ADAMTS20: variants seen among roughly 807,000 people sequenced by gnomAD.
ADAMTS20 encodes the protein ADAM metallopeptidase with thrombospondin type 1 motif 20.
A neutral mutation model predicts 260.1 loss-of-function variants in ADAMTS20; 225 were observed. The ratio of observed to expected loss-of-function variants is 0.87; its 90% confidence interval spans 0.78 to 0.97. The LOEUF (loss-of-function observed/expected upper bound fraction) is 0.97. Ranked by LOEUF, ADAMTS20 falls within the 50% of genes least tolerant of loss-of-function variation. The pLI is 0.00. For missense variants in ADAMTS20, 2,400 were observed against 2,337.7 expected (o/e 1.03, Z -0.55); for synonymous variants, 802 against 769.5 (o/e 1.04, Z -0.70).
chr12:43,433,778 A>T (rs1017429611), intron 19 of ADAMTS20: 5 of 487,464 alleles, frequency 1.0e-5, no homozygotes, highest in Admixed American at 6.4e-5. Flanking sequence ...AGAAGTATAA[A>T]CTTGCTGTCA....
chr12:43,423,456 A>G, intron 28 of ADAMTS20: 1 of 416,954 alleles, frequency 2.4e-6, no homozygotes, highest in Non-Finnish European at 4.3e-6. Flanking sequence ...AATTGAAGTC[A>G]TGAATGGGTA....
chr12:43,483,814 G>A (rs796336871), intron 7 of ADAMTS20, among the ~76,000 whole-genome samples: 1 of 152,130 alleles, frequency 6.6e-6, no homozygotes, highest in South Asian at 2.1e-4. Context: ...TTACTCACCT[G>A]CTTTAGCCGC....
chr12:43,501,062 T>C (rs1442939682), intron 4 of ADAMTS20, among the ~76,000 whole-genome samples: 1 of 144,908 alleles, frequency 6.9e-6, no homozygotes, highest in African/African-American at 2.5e-5. Flanking sequence ...ATTCTTTTTT[T>C]TTTTTTTTTT....
At chr12:43,526,967 A>G (rs1026851981) in intron 3 of ADAMTS20, among the ~76,000 whole-genome samples, 4 of 152,238 alleles carry the variant, frequency 2.6e-5, no homozygotes, top group African/African-American at 9.6e-5. Context: ...AAAAGAAGAG[A>G]GAAGAATCAA....
At chr12:43,532,250 A>C in intron 2 of ADAMTS20, 55 bp from the exon 3 acceptor site, 1 of 1,491,242 alleles carries the variant, frequency 6.7e-7, no homozygotes. Flanking sequence ...AAGAAGAAAA[A>C]ACACATAGTA....
chr12:43,409,625 A>AAAAAAAAAAAAG (rs1323044236), intron 28 of ADAMTS20, among the ~76,000 whole-genome samples: 5 of 143,164 alleles, frequency 3.5e-5, no homozygotes, highest in African/African-American at 1.3e-4. Flanking sequence ...AAAAAAAAAA[A>AAAAAAAAAAAAG]AAAAACAAGA....
Position 43,466,656 on chromosome 12 carries a change from G to A in ADAMTS20, c.1363C>T (p.Leu455=), listed in dbSNP as rs751396001. The A allele has an allele frequency of 6.2e-7, 1 of 1,604,894 alleles. No individual in the cohort carries two copies. The highest frequency in any genetic ancestry group is 8.5e-7 in the Non-Finnish European group (1 of 1,176,700). The change falls in exon 9 of 39, where the codon CTA becomes TTA. Residue 455 remains leucine (L), a synonymous_variant. Coordinates refer to ENST00000389420, the MANE Select transcript of ADAMTS20 (RefSeq NM_025003.5). ...ATTTAACATAAATTTACTTACTCTA[G>A]GAATTCAGTAACATATTTCCGACTA... is the stretch of plus-strand genomic sequence containing the variant. ...NCSRKYVTEF[L]DTGYGECLLD...
In ADAMTS20 at chr12:43,452,281, T is replaced by C. The variant is rs1170189791; in HGVS notation, c.2072A>G (p.Gln691Arg). 4 of 1,607,410 alleles carry C rather than the reference T, an allele frequency of 2.5e-6. No individual in the cohort carries two copies. The highest frequency in any genetic ancestry group is 1.1e-5 in the South Asian group (1 of 89,262). The change falls in exon 14 of 39, where the codon CAG becomes CGG. Residue 691 changes from glutamine (Q) to arginine (R), a missense_variant. Transcript: ENST00000389420. ...AACTTATAGTTTACTTACCATACAC[T>C]GGCCTTGAACACAGATGTCATGAGT... ...TETHDICVQGQCMAAGCDHVL... is the reference protein window; with the variant it reads ...TETHDICVQGRCMAAGCDHVL...
In ADAMTS20 at chr12:43,446,148, T is replaced by C. The variant is rs138594786; in HGVS notation, c.2197+447A>G. On this transcript the variant is annotated intron_variant, in intron 15 of 38. Transcript: ENST00000389420. ...TTCAATCAACATTTTCTATGTACTA[T>C]TAATAAGAAATGTAACAGATAGGTC... Among the ~76,000 whole-genome samples, 483 of 152,036 alleles carry C rather than the reference T, an allele frequency of 3.2e-3. 11 individuals are homozygous for C. The East Asian group carries it at 0.043, about 14-fold the overall frequency.
chr12:43,464,670 T>C lies in ADAMTS20; in HGVS notation c.1430A>G (p.Glu477Gly). 1.2e-6 allele frequency: 2 copies of C among 1,613,476 alleles called. No individual in the cohort carries two copies. Among genetic ancestry groups the C allele is most frequent in the Non-Finnish European group, 1.7e-6 (2 of 1,179,492 alleles). Residue 477 changes from glutamate to glycine, a missense_variant, in exon 10 of 39, where the codon GAA becomes GGA. Coordinates refer to ENST00000389420, the MANE Select transcript of ADAMTS20 (RefSeq NM_025003.5). ...PDEEIYNLPS[E>G]LPGSRYDGNK... is the part of the protein sequence containing the mutation. The stretch of plus-strand genomic sequence containing the variant: ...TCCATCATATCGTGATCCAGGAAGT[T>C]CTGAAGGCAGATTATATATTTCTTC...
chr12:43,360,019 G>A (rs1247105683), intron 37 of ADAMTS20, among the ~76,000 whole-genome samples: 1 of 152,074 alleles, frequency 6.6e-6, no homozygotes, highest in Non-Finnish European at 1.5e-5. Flanking sequence ...CTTTGTGAGA[G>A]ATATTTAAAA....
At chr12:43,467,434 G>C (rs1942174903) in intron 8 of ADAMTS20, among the ~76,000 whole-genome samples, 1 of 152,032 alleles carries the variant, frequency 6.6e-6, no homozygotes, top group Admixed American at 6.6e-5. Flanking sequence ...CTCAAGTTTA[G>C]AAGGAACACT....
chr12:43,383,839 C>T lies in ADAMTS20; in HGVS notation c.4591G>A (p.Val1531Met), dbSNP rs764409512. Residue 1531 changes from valine (V) to methionine (M), a missense_variant, in exon 30 of 39, where the codon GTG (valine) becomes ATG (methionine). Physicochemically the swap from Val to Met is conservative, Grantham distance 21. Coordinates refer to ENST00000389420, the MANE Select transcript of ADAMTS20 (RefSeq NM_025003.5). ...SQRRCWSQDC[V>M]QHKGMERGRL... ...CCTCTTTCCATCCCCTTGTGCTGCACACAGTCCTGACTCCAACATCGCCTC... is the reference window on the plus strand; with the variant it reads ...CCTCTTTCCATCCCCTTGTGCTGCATACAGTCCTGACTCCAACATCGCCTC... 2.4e-5 allele frequency: 38 copies of T among 1,613,782 alleles called. No homozygotes were observed. The Admixed American group carries it at 6.2e-4, about 26-fold the overall frequency.
chr12:43,443,037 T>C (rs1175982622), intron 16 of ADAMTS20, among the ~76,000 whole-genome samples: 1 of 152,192 alleles, frequency 6.6e-6, no homozygotes, highest in East Asian at 1.9e-4. Context: ...GTTACATAAG[T>C]TAATTATTTG....
rs551126865 is a variant in ADAMTS20 at position 43,399,056 on chromosome 12, C to T, written c.4452+10G>A. 2.2e-6 allele frequency: 3 copies of T among 1,387,764 alleles called. No homozygotes were observed. Among genetic ancestry groups the T allele is most frequent in the Non-Finnish European group, 2.8e-6 (3 of 1,063,664 alleles). 86.0% of individuals were successfully genotyped at this position (1,387,764 alleles called of 1,614,324 possible). ...AATACATATATAATTATAAAATATA[C>T]ATCATATACCTCATTCCAGCTATTG... On this transcript the variant is annotated intron_variant, in intron 29 of 38. Coordinates refer to ENST00000389420, the MANE Select transcript of ADAMTS20 (RefSeq NM_025003.5).
At chr12:43,436,513 A>G (rs1331639692) in intron 18 of ADAMTS20, among the ~76,000 whole-genome samples, 4 of 152,162 alleles carry the variant, frequency 2.6e-5, no homozygotes, top group African/African-American at 9.7e-5. Context: ...ACATATCAAT[A>G]TAAAATTATT....
intron 38 of ADAMTS20, among the ~76,000 whole-genome samples, chr12:43,356,033 T>C (rs1939736518): frequency 6.6e-6 from 1 of 152,128 alleles, no homozygotes. Flanking sequence ...ATGACAAGTG[T>C]CTCCAACACC....
intron 2 of ADAMTS20, among the ~76,000 whole-genome samples, chr12:43,549,563 A>G (rs902695794): frequency 2.0e-5 from 3 of 152,210 alleles, no homozygotes; most frequent in Non-Finnish European, 4.4e-5. Flanking sequence ...ATGCTTTTCC[A>G]TGAGAAAACA....
intron 31 of ADAMTS20, 50 bp downstream of exon 31, chr12:43,383,508 A>G (rs1940398971): frequency 2.6e-6 from 4 of 1,535,882 alleles, no homozygotes; most frequent in Non-Finnish European, 3.5e-6. Flanking sequence ...TTGTAGATCC[A>G]GCTGTTTTAT....
Sources: allele counts gnomAD v4.1 joint callset (sites outside exome capture counted in the v4.1 genomes callset), GRCh38; gene constraint gnomAD v4.1.1; transcripts MANE v1.5; gene names NCBI Gene and HGNC (gene_info 2026-07-23, HGNC 2026-07-21).